The following TMEM178B variants were observed in gnomAD, a reference collection of about 807,000 sequenced individuals.
The protein encoded by TMEM178B is transmembrane protein 178B.
In TMEM178B, 5 loss-of-function variants were observed where a neutral mutation model predicts 31.0. The ratio of observed to expected loss-of-function variants is 0.16; its 90% CI spans 0.08 to 0.34. TMEM178B has a LOEUF of 0.34. TMEM178B is among the 10% of genes least tolerant of loss of function. The pLI, the probability that TMEM178B is intolerant of heterozygous loss-of-function variation, is 1.00. For missense variants in TMEM178B, 275 were observed against 400.3 expected (o/e 0.69, Z 2.67); for synonymous variants, 164 against 164.0 (o/e 1.00, Z 0.00).
chr7:141,418,195 G>A (rs558742494), intron 2 of TMEM178B, among the ~76,000 whole-genome samples: 5 of 152,238 alleles, frequency 3.3e-5, no homozygotes, highest in African/African-American at 4.8e-5. Context: ...CTGACTCTGT[G>A]TTCCATCCAC....
At chr7:141,345,999 TG>T (rs1219198730) in intron 2 of TMEM178B, among the ~76,000 whole-genome samples, 1 of 152,114 alleles carries the variant, frequency 6.6e-6, no homozygotes, top group African/African-American at 2.4e-5. Flanking sequence ...TTTGGGAGGC[TG>T]AGGCGGGCGG....
intron 2 of TMEM178B, among the ~76,000 whole-genome samples, chr7:141,419,578 A>G (rs538069024): frequency 6.6e-6 from 1 of 152,298 alleles, no homozygotes; most frequent in South Asian, 2.1e-4. Flanking sequence ...CTTTCTAGAG[A>G]AAACAAAAAC....
intron 1 of TMEM178B, among the ~76,000 whole-genome samples, chr7:141,208,195 TTAAATAAA>T (rs34234324): frequency 2.7e-5 from 4 of 149,802 alleles, no homozygotes; most frequent in Non-Finnish European, 3.0e-5. Flanking sequence ...CCAGTCTCTT[TTAAATAAA>T]TAAATAAATA....
chr7:141,167,013 G>A (rs571216674), intron 1 of TMEM178B, among the ~76,000 whole-genome samples: 2 of 152,154 alleles, frequency 1.3e-5, no homozygotes, highest in South Asian at 2.1e-4. Flanking sequence ...TATTATGTTT[G>A]GAAAATGACA....
intron 1 of TMEM178B, among the ~76,000 whole-genome samples, chr7:141,185,312 A>T (rs1478176530): frequency 8.5e-5 from 13 of 152,202 alleles, no homozygotes. Flanking sequence ...TGGAAGAATC[A>T]GATCACACAT....
intron 2 of TMEM178B, among the ~76,000 whole-genome samples, chr7:141,402,406 T>G (rs1800800318): frequency 6.6e-6 from 1 of 152,192 alleles, no homozygotes; most frequent in African/African-American, 2.4e-5. Flanking sequence ...GCCTTCCTCC[T>G]TCCCTCCCCC....
intron 2 of TMEM178B, among the ~76,000 whole-genome samples, chr7:141,245,901 A>G (rs560749397): frequency 4.9e-4 from 75 of 152,358 alleles, no homozygotes; most frequent in Middle Eastern, 3.4e-3. Flanking sequence ...CTTCTGTTAT[A>G]TAAACAAGTA....
chr7:141,116,337 C>T (rs1158004899), intron 1 of TMEM178B, among the ~76,000 whole-genome samples: 1 of 151,990 alleles, frequency 6.6e-6, no homozygotes, highest in African/African-American at 2.4e-5. Flanking sequence ...TGGAAGGAAG[C>T]TCAGAGATGG....
chr7:141,253,475 AG>A (rs1797867857), intron 2 of TMEM178B, among the ~76,000 whole-genome samples: 1 of 151,522 alleles, frequency 6.6e-6, no homozygotes, highest in Non-Finnish European at 1.5e-5. Flanking sequence ...TGCTGCATTA[AG>A]TTAAATATTT....
chr7:141,349,072 CTT>C (rs1799667003), intron 2 of TMEM178B, among the ~76,000 whole-genome samples: 1 of 152,176 alleles, frequency 6.6e-6, no homozygotes, highest in South Asian at 2.1e-4. Flanking sequence ...TTCCACTAGA[CTT>C]TTCTTCTGCA....
chr7:141,301,933 G>A (rs566686805), intron 2 of TMEM178B, among the ~76,000 whole-genome samples: 119 of 152,308 alleles, frequency 7.8e-4, no homozygotes, highest in African/African-American at 2.5e-3. Flanking sequence ...TTGTTCAGAC[G>A]AAGAAGTTGA....
At chr7:141,309,968 A>G (rs1798879546) in intron 2 of TMEM178B, among the ~76,000 whole-genome samples, 1 of 152,228 alleles carries the variant, frequency 6.6e-6, no homozygotes, top group South Asian at 2.1e-4. Context: ...GTAACACCCC[A>G]AACTATAAAA....
intron 3 of TMEM178B, among the ~76,000 whole-genome samples, chr7:141,444,079 C>G (rs540378462): frequency 6.6e-6 from 1 of 152,268 alleles, no homozygotes; most frequent in South Asian, 2.1e-4. Flanking sequence ...ATATTTCCTG[C>G]CCTAGACCTA....
At chr7:141,304,856 G>T (rs1417358929) in intron 2 of TMEM178B, among the ~76,000 whole-genome samples, 2 of 152,292 alleles carry the variant, frequency 1.3e-5, no homozygotes, top group East Asian at 3.9e-4. Context: ...TTCTGTGTTT[G>T]CAATGTCACT....
intron 1 of TMEM178B, among the ~76,000 whole-genome samples, chr7:141,102,235 G>T (rs758350208): frequency 2.0e-5 from 3 of 152,164 alleles, no homozygotes; most frequent in Admixed American, 6.5e-5. Context: ...ACTGTAATCC[G>T]ATAGAGAAAG....
At chr7:141,421,065 C>G (rs1277844755) in intron 2 of TMEM178B, among the ~76,000 whole-genome samples, 1 of 152,152 alleles carries the variant, frequency 6.6e-6, no homozygotes, top group Non-Finnish European at 1.5e-5. Context: ...ACAGCAGCCA[C>G]TAGTATCCTT....
downstream of TMEM178B, among the ~76,000 whole-genome samples, chr7:141,483,903 T>C (rs571310469): frequency 7.2e-5 from 11 of 152,220 alleles, no homozygotes; most frequent in South Asian, 2.3e-3. Flanking sequence ...GCCTGGCTAA[T>C]TTTTGTATTC....
intron 1 of TMEM178B, among the ~76,000 whole-genome samples, chr7:141,201,031 T>C (rs1410322816): frequency 6.6e-6 from 1 of 151,844 alleles, no homozygotes; most frequent in African/African-American, 2.4e-5. Context: ...CTGGAACAAA[T>C]AGAAGATCCT....
At chr7:141,111,057 C>T (rs1377449839) in intron 1 of TMEM178B, among the ~76,000 whole-genome samples, 2 of 152,104 alleles carry the variant, frequency 1.3e-5, no homozygotes, top group African/African-American at 4.8e-5. Flanking sequence ...TTTGTTATGC[C>T]AGTGTATTAG....
Sources: allele counts gnomAD v4.1 joint callset (sites outside exome capture counted in the v4.1 genomes callset), GRCh38; gene constraint gnomAD v4.1.1; transcripts MANE v1.5; gene names NCBI Gene and HGNC (gene_info 2026-07-23, HGNC 2026-07-21).